CNTNAP4: variants seen among roughly 807,000 people sequenced by gnomAD.
The protein encoded by CNTNAP4 is contactin associated protein family member 4, also known as contactin-associated protein-like 4.
Under a neutral mutation model 148.4 loss-of-function variants are expected in CNTNAP4, and 98 were observed. The ratio of observed to expected loss-of-function variants is 0.66; its 90% confidence interval spans 0.56 to 0.78. The LOEUF (loss-of-function observed/expected upper bound fraction) is 0.78. Among genes scored for constraint, CNTNAP4 ranks in the 30% least tolerant of loss-of-function variants. CNTNAP4 has a pLI of 0.00. For synonymous variants in CNTNAP4, 730 were observed against 565.1 expected (o/e 1.29, Z -4.14); for missense variants, 1,935 against 1,565.6 (o/e 1.24, Z -3.98).
chr16:76,391,992 C>G (rs1214011972), intron 3 of CNTNAP4, among the ~76,000 whole-genome samples: 1 of 124,114 alleles, frequency 8.1e-6, no homozygotes, highest in Non-Finnish European at 1.8e-5. Context: ...GATAAGTATC[C>G]TAATGTGTTT....
chr16:76,522,313 C>A, intron 17 of CNTNAP4, 56 bp downstream of exon 17: 1 of 1,440,608 alleles, frequency 6.9e-7, no homozygotes, highest in Non-Finnish European at 9.7e-7. Context: ...CAGAAATGGC[C>A]CAAGATAAAA....
chr16:76,491,185 C>T (rs1051518631), intron 13 of CNTNAP4, among the ~76,000 whole-genome samples: 1 of 152,088 alleles, frequency 6.6e-6, no homozygotes, highest in Non-Finnish European at 1.5e-5. Flanking sequence ...TTTCATTTGG[C>T]CTCTACCCCT....
rs1463400336 is a variant in CNTNAP4 at position 76,452,585 on chromosome 16, G to T, written c.1149G>T (p.Leu383=). The change falls in exon 8 of 24, where the codon CTG becomes CTT. Residue 383 remains leucine, a synonymous_variant. Coordinates refer to ENST00000611870, the MANE Select transcript of CNTNAP4 (RefSeq NM_033401.5). The part of the protein sequence containing the change: ...TFLSSRSYLA[L]PDFSGEEEVS... ...TGAGCTCCAGGAGTTATTTAGCACTGCCAGACTTCTCTGGAGAGGAGGAGG... is the reference window on the plus strand; with the variant it reads ...TGAGCTCCAGGAGTTATTTAGCACTTCCAGACTTCTCTGGAGAGGAGGAGG... 1 of 1,613,968 alleles carries T rather than the reference G, an allele frequency of 6.2e-7. No individual in the cohort carries two copies. Among genetic ancestry groups the T allele is most frequent in the Admixed American group, 1.7e-5 (1 of 60,014 alleles).
At chr16:76,458,587 A>G (rs1302689308) in intron 8 of CNTNAP4, among the ~76,000 whole-genome samples, 1 of 152,034 alleles carries the variant, frequency 6.6e-6, no homozygotes, top group Non-Finnish European at 1.5e-5. Context: ...TCGCATGTGC[A>G]GTTCACAATA....
At chr16:76,448,287 A>G (rs1292047564) in intron 5 of CNTNAP4, 72 bp downstream of exon 5, 1 of 1,090,774 alleles carries the variant, frequency 9.2e-7, no homozygotes, top group East Asian at 2.4e-5. Context: ...ATGCTTTTAT[A>G]GCTTATCTTT....
intron 10 of CNTNAP4, among the ~76,000 whole-genome samples, chr16:76,470,619 C>T (rs944472531): frequency 2.7e-5 from 4 of 150,902 alleles, no homozygotes; most frequent in Non-Finnish European, 5.9e-5. Context: ...CATTGCACTC[C>T]AGCCTGGGCA....
At chr16:76,414,087 A>G (rs991632455) in intron 3 of CNTNAP4, among the ~76,000 whole-genome samples, 1 of 151,344 alleles carries the variant, frequency 6.6e-6, no homozygotes. Flanking sequence ...AGTTCATTAC[A>G]TATTTAATGA....
At chr16:76,278,816 A>T (rs1473364084) in intron 1 of CNTNAP4, among the ~76,000 whole-genome samples, 1 of 152,220 alleles carries the variant, frequency 6.6e-6, no homozygotes, top group Non-Finnish European at 1.5e-5. Context: ...GACTATGTTA[A>T]GAGTTCTGAT....
chr16:76,386,015 C>G (rs1008172173), intron 3 of CNTNAP4, among the ~76,000 whole-genome samples: 5 of 152,104 alleles, frequency 3.3e-5, no homozygotes, highest in Admixed American at 3.3e-4. Context: ...AGTATTGTAG[C>G]TGAAACAGGA....
intron 1 of CNTNAP4, among the ~76,000 whole-genome samples, chr16:76,291,157 T>C (rs531587574): frequency 6.6e-6 from 1 of 152,350 alleles, no homozygotes; most frequent in East Asian, 1.9e-4. Context: ...ATTCAGTCCA[T>C]AACAGGTGCT....
At chr16:76,429,192 G>A (rs1410385189) in intron 4 of CNTNAP4, among the ~76,000 whole-genome samples, 1 of 151,932 alleles carries the variant, frequency 6.6e-6, no homozygotes, top group Non-Finnish European at 1.5e-5. Context: ...ATAAAATCAC[G>A]CATTAAAAAA....
chr16:76,449,873 G>A lies in CNTNAP4; in HGVS notation c.1071+15G>A. On this transcript the variant is annotated intron_variant, in intron 7 of 23. Transcript: ENST00000611870. ...TCATTGCTATGGTGAGAGTCTTTAT[G>A]CGAAGACATTAGTAAAACTATATTT... The A allele has an allele frequency of 6.3e-7, 1 of 1,587,242 alleles. No homozygotes were observed. Among genetic ancestry groups the A allele is most frequent in the Non-Finnish European group, 8.5e-7 (1 of 1,170,370 alleles).
rs1367156215 is a variant in CNTNAP4 at position 76,399,240 on chromosome 16, G to A, written c.391-28212G>A. On this transcript the variant is annotated intron_variant, in intron 3 of 23. Transcript: ENST00000611870. ...TAGACTAATACACTTTGCTAACTGTGTAGTCTTGGATAATTCACTTCTTTC... is the reference window on the plus strand; with the variant it reads ...TAGACTAATACACTTTGCTAACTGTATAGTCTTGGATAATTCACTTCTTTC... Among the ~76,000 whole-genome samples, 4 of 152,048 alleles carry A rather than the reference G, an allele frequency of 2.6e-5. No individual in the cohort carries two copies. In the East Asian group the frequency reaches 5.8e-4, roughly 22 times the overall value.
At chr16:76,385,392 G>A (rs980434167) in intron 3 of CNTNAP4, among the ~76,000 whole-genome samples, 2 of 151,970 alleles carry the variant, frequency 1.3e-5, no homozygotes, top group Admixed American at 6.6e-5. Flanking sequence ...TTTTATTTTA[G>A]CAATTTTGAT....
At chr16:76,326,984 A>G (rs1220572921) in intron 2 of CNTNAP4, among the ~76,000 whole-genome samples, 2 of 152,182 alleles carry the variant, frequency 1.3e-5, no homozygotes, top group African/African-American at 4.8e-5. Flanking sequence ...AAAGAAAACC[A>G]AAAAAGCTCA....
chr16:76,329,087 A>G (rs972972584), intron 2 of CNTNAP4, among the ~76,000 whole-genome samples: 14 of 152,262 alleles, frequency 9.2e-5, no homozygotes, highest in Non-Finnish European at 1.9e-4. Context: ...TGTTAGTACG[A>G]AATGCAAAAT....
At chr16:76,294,689 A>G (rs571551632) in intron 1 of CNTNAP4, among the ~76,000 whole-genome samples, 1 of 152,302 alleles carries the variant, frequency 6.6e-6, no homozygotes, top group Non-Finnish European at 1.5e-5. Flanking sequence ...GTGTTCCAAA[A>G]CATAGTAATT....
intron 17 of CNTNAP4, among the ~76,000 whole-genome samples, chr16:76,522,691 C>CTTTTCTT (rs2083524498): frequency 2.5e-4 from 7 of 27,794 alleles, no homozygotes; most frequent in Admixed American, 1.2e-3. Flanking sequence ...TCTCTCCTTT[C>CTTTTCTT]TTTTCTTTTC....
intron 3 of CNTNAP4, among the ~76,000 whole-genome samples, chr16:76,424,347 A>T (rs2079300890): frequency 6.6e-6 from 1 of 152,170 alleles, no homozygotes; most frequent in South Asian, 2.1e-4. Context: ...AATTATAATT[A>T]GGGATTGTGT....
Sources: gnomAD v4.1 joint callset for allele counts (sites outside exome capture counted in the v4.1 genomes callset) on GRCh38, gnomAD v4.1.1 for gene constraint, MANE v1.5 for transcripts, NCBI Gene and HGNC (gene_info 2026-07-23, HGNC 2026-07-21) for gene names.